The following CA12 variants were observed in gnomAD, a reference collection of about 807,000 sequenced individuals.
The protein encoded by CA12 is carbonate dehydratase XII.
Under a neutral mutation model 46.8 loss-of-function variants are expected in CA12, and 36 were observed. The observed-to-expected ratio is 0.77, with a 90% CI of 0.59 to 1.02. The LOEUF (loss-of-function observed/expected upper bound fraction) is 1.02. Among genes scored for constraint, CA12 ranks in the 50% least tolerant of loss-of-function variants. The pLI, the probability that CA12 is intolerant of heterozygous loss-of-function variation, is 0.00. For synonymous variants in CA12, 202 were observed against 187.0 expected (o/e 1.08, Z -0.65); for missense variants, 436 against 451.4 (o/e 0.97, Z 0.31).
intron 2 of CA12, 31 bp from the exon 3 acceptor site, chr15:63,346,740 G>C (rs781387255): frequency 1.6e-5 from 26 of 1,610,456 alleles, no homozygotes; most frequent in Non-Finnish European, 2.2e-5. Context: ...TCAAGATTTA[G>C]AGTTTCTCAC....
chr15:63,360,649 C>G (rs2039350573), intron 2 of CA12, among the ~76,000 whole-genome samples: 1 of 152,196 alleles, frequency 6.6e-6, no homozygotes, highest in South Asian at 2.1e-4. Context: ...CTAAAACACT[C>G]ACCACCCATG....
At chr15:63,362,676 C>T (rs1162651488) in intron 2 of CA12, among the ~76,000 whole-genome samples, 1 of 152,194 alleles carries the variant, frequency 6.6e-6, no homozygotes, top group Non-Finnish European at 1.5e-5. Flanking sequence ...TGGACGTTGA[C>T]CTGATGCTGG....
chr15:63,376,328 T>C (rs894205880), intron 1 of CA12, among the ~76,000 whole-genome samples: 2 of 152,208 alleles, frequency 1.3e-5, no homozygotes, highest in South Asian at 2.1e-4. Context: ...AAATGGTATA[T>C]ACAGTAGAAG....
chr15:63,364,330 T>TAGAAA (rs2039407718), intron 2 of CA12, among the ~76,000 whole-genome samples: 1 of 2,204 alleles, frequency 4.5e-4, no homozygotes, highest in Non-Finnish European at 1.8e-3. Context: ...ACCCCGTCAC[T>TAGAAA]AGAAAAAAAA....
At chr15:63,337,693 G>A (rs1230807955) in intron 8 of CA12, among the ~76,000 whole-genome samples, 1 of 152,034 alleles carries the variant, frequency 6.6e-6, no homozygotes, top group Non-Finnish European at 1.5e-5. Context: ...CTGACCTCAT[G>A]ATCCACCCAC....
intron 2 of CA12, among the ~76,000 whole-genome samples, chr15:63,351,283 C>T (rs1332558099): frequency 6.6e-6 from 1 of 152,208 alleles, no homozygotes; most frequent in East Asian, 1.9e-4. Flanking sequence ...TAGGCCCTCG[C>T]CATGTCACAC....
In CA12 at chr15:63,326,336, C is replaced by T; in HGVS notation, c.1014G>A (p.Lys338=). Reference sequence around the variant, plus strand: ...TGGTGGCTGGCTTGTAAATGACTCCCTTGTTATCACCTTTTTTGATACTAG... The same window carrying T: ...TGGTGGCTGGCTTGTAAATGACTCCTTTGTTATCACCTTTTTTGATACTAG... ...RRKSIKKGDN[K]GVIYKPATKM... The change falls in exon 11 of 11, where the codon AAG becomes AAA. Residue 338 remains lysine, a synonymous_variant. Transcript: ENST00000178638. 6.2e-7 allele frequency: 1 copy of T among 1,613,934 alleles called. No individual in the cohort carries two copies. The highest frequency in any genetic ancestry group is 8.5e-7 in the Non-Finnish European group (1 of 1,179,850).
chr15:63,375,805 CTTTTTCTTTTTT>C, intron 1 of CA12, 127 bp from the exon 2 acceptor site: 1 of 622,322 alleles, frequency 1.6e-6, no homozygotes, highest in Non-Finnish European at 2.8e-6. Context: ...GAAACTTTTT[CTTTTTCTTTTTT>C]TTTTTTTTCA....
rs529532823 is a variant in CA12 at position 63,374,586 on chromosome 15, C to T, written c.106+1072G>A. ...AGTACATAAGGGATGTTAGCAATAA[C>T]GGAGCCGTGCAGTGCTGGGGCTGAG... On this transcript the variant is annotated intron_variant, in intron 2 of 10. Transcript: ENST00000178638. This position sits in a 1 kb window ranked among gnomAD's most constrained non-coding sequence, Gnocchi z 4.4. 3.2e-4 allele frequency among the ~76,000 whole-genome samples: 48 copies of T among 152,298 alleles called. No homozygotes were observed. The highest frequency in any genetic ancestry group is 9.9e-4 in the African/African-American group (41 of 41,576).
In CA12 at chr15:63,329,357, T is replaced by G. The variant is rs1200561016; in HGVS notation, c.875-1227A>C. 3.3e-5 allele frequency among the ~76,000 whole-genome samples: 5 copies of G among 152,144 alleles called. No homozygotes were observed. The highest frequency in any genetic ancestry group is 1.2e-4 in the African/African-American group (5 of 41,428). On this transcript the variant is annotated intron_variant, in intron 8 of 10. Transcript: ENST00000178638. This position sits in a 1 kb window ranked among gnomAD's most constrained non-coding sequence, Gnocchi z 4.8. The stretch of plus-strand genomic sequence containing the variant: ...AGCTACCTAAGTCTCACAGTCAGCC[T>G]ACTAGCCACCTCCTGGGGGGAAAAT...
Position 63,327,016 on chromosome 15 carries a change from G to T in CA12, c.992+133C>A. The T allele has an allele frequency of 1.3e-6, 1 of 769,214 alleles. No homozygotes were observed. Among genetic ancestry groups the T allele is most frequent in the East Asian group, 2.7e-5 (1 of 36,730 alleles). The allele number at this position is 769,214 out of a possible 1,614,324, so 47.6% of individuals were successfully genotyped here. On this transcript the variant is annotated intron_variant, in intron 10 of 10. Transcript: ENST00000178638. This position sits in a 1 kb window ranked among gnomAD's most constrained non-coding sequence, Gnocchi z 4.5. Reference sequence around the variant, plus strand: ...AGGAGGCCAGGGCACGGGTGCTTTGGGGACGGCCCTCCTAGGGTAAGTGGT... The same window carrying T: ...AGGAGGCCAGGGCACGGGTGCTTTGTGGACGGCCCTCCTAGGGTAAGTGGT...
chr15:63,357,739 ATGT>A (rs993244878), intron 2 of CA12, among the ~76,000 whole-genome samples: 5 of 152,120 alleles, frequency 3.3e-5, no homozygotes, highest in Admixed American at 3.3e-4. Flanking sequence ...TATATTCACG[ATGT>A]TGTGCAACCA....
chr15:63,371,308 A>T (rs1481103752), intron 2 of CA12, among the ~76,000 whole-genome samples: 1 of 152,214 alleles, frequency 6.6e-6, no homozygotes, highest in Non-Finnish European at 1.5e-5. Context: ...ATTCTTTAAG[A>T]CGGACAATGT....
At position 63,326,313 on chromosome 15, in the gene CA12, G is replaced by T. The variant is rs770395993; in HGVS notation, c.1037C>A (p.Thr346Asn). ...AGCGTGGGCCTCAGTCTCCATCTTG[G>T]TGGCTGGCTTGTAAATGACTCCCTT... ...DNKGVIYKPA[T>N]KMETEAHA is the part of the protein sequence containing the mutation. The change falls in exon 11 of 11, where the codon ACC (threonine) becomes AAC (asparagine). Residue 346 changes from threonine (T) to asparagine (N), a missense_variant. Coordinates refer to ENST00000178638, the MANE Select transcript of CA12 (RefSeq NM_001218.5). 2.8e-5 allele frequency: 45 copies of T among 1,614,026 alleles called. No homozygotes were observed. The highest frequency in any genetic ancestry group is 1.0e-4 in the Admixed American group (6 of 59,994).
intron 8 of CA12, among the ~76,000 whole-genome samples, chr15:63,336,436 A>G (rs760926428): frequency 6.6e-6 from 1 of 152,024 alleles, no homozygotes; most frequent in Non-Finnish European, 1.5e-5. Context: ...ACTGCCCTCA[A>G]ACACTGTCCC....
At chr15:63,362,046 G>A (rs1300048668) in intron 2 of CA12, among the ~76,000 whole-genome samples, 1 of 152,184 alleles carries the variant, frequency 6.6e-6, no homozygotes, top group South Asian at 2.1e-4. Flanking sequence ...AAAGGCCAGA[G>A]AGTAAGTTTT....
intron 2 of CA12, among the ~76,000 whole-genome samples, chr15:63,364,349 A>AAAC (rs1368029655): frequency 6.7e-6 from 1 of 150,264 alleles, no homozygotes; most frequent in African/African-American, 2.4e-5. Flanking sequence ...AAAAAAAAAA[A>AAAC]AAAAAACAGT....
chr15:63,373,357 C>CAA lies in CA12; in HGVS notation c.106+2299_106+2300dup, dbSNP rs34038507. Reference sequence around the variant, plus strand: ...TCCACCCTGGGTGAGAATGAGACTCCAAAAAAAAAAAAAAAATTTGTCCTC... The same window carrying CAA: ...TCCACCCTGGGTGAGAATGAGACTCCAAAAAAAAAAAAAAAAAATTTGTCCTC... On this transcript the variant is annotated intron_variant, in intron 2 of 10. Coordinates refer to ENST00000178638, the MANE Select transcript of CA12 (RefSeq NM_001218.5). This position sits in a 1 kb window ranked among gnomAD's most constrained non-coding sequence, Gnocchi z 4.9. Among the ~76,000 whole-genome samples, 100 of 139,108 alleles carry CAA rather than the reference C, an allele frequency of 7.2e-4. No homozygotes were observed. The highest frequency in any genetic ancestry group is 3.7e-3 in the Middle Eastern group (1 of 272). 91.3% of individuals were successfully genotyped at this position (139,108 alleles called of 152,430 possible). A position where few individuals can be genotyped will look rare whatever the true frequency, so the allele number is the denominator to read the frequency against.
chr15:63,333,798 C>A (rs999573), intron 8 of CA12, among the ~76,000 whole-genome samples: 3 of 152,026 alleles, frequency 2.0e-5, no homozygotes, highest in Admixed American at 6.5e-5. Flanking sequence ...TGCCTGGCAC[C>A]CTTGTCTGAG....
Sources: gnomAD v4.1 joint callset for allele counts (sites outside exome capture counted in the v4.1 genomes callset) on GRCh38, gnomAD v4.1.1 for gene constraint, Gnocchi (gnomAD v3.1) non-coding constraint, MANE v1.5 for transcripts, NCBI Gene and HGNC (gene_info 2026-07-23, HGNC 2026-07-21) for gene names.